The following SMARCC1 variants were observed in gnomAD, a reference collection of about 807,000 sequenced individuals.
The protein encoded by SMARCC1 is SWI/SNF related BAF chromatin remodeling complex subunit C1, also known as SWI/SNF complex subunit SMARCC1.
A neutral mutation model predicts 147.4 loss-of-function variants in SMARCC1; 43 were observed. The ratio of observed to expected loss-of-function variants is 0.29; its 90% CI spans 0.23 to 0.38. The LOEUF (loss-of-function observed/expected upper bound fraction) is 0.38. Ranked by LOEUF, SMARCC1 falls within the 10% of genes least tolerant of loss-of-function variation. The pLI is 1.00. For missense variants in SMARCC1, 1,119 were observed against 1,381.1 expected, an observed-to-expected ratio of 0.81 and a Z score of 3.01; for synonymous variants, 495 against 484.4, an observed-to-expected ratio of 1.02 and a Z score of -0.29.
chr3:47,744,362 C>T (rs1283863536), intron 3 of SMARCC1, among the ~76,000 whole-genome samples: 1 of 152,072 alleles, frequency 6.6e-6, no homozygotes, highest in Non-Finnish European at 1.5e-5. Context: ...CCAGTCTGGA[C>T]TCGAACTCCT....
chr3:47,710,695 G>C lies in SMARCC1; in HGVS notation c.906C>G (p.Thr302=). 2 of 1,613,482 alleles carry C rather than the reference G, an allele frequency of 1.2e-6. No individual in the cohort carries two copies. The highest frequency in any genetic ancestry group is 1.1e-5 in the South Asian group (1 of 90,920). The change falls in exon 9 of 28, where the codon ACC becomes ACG. Residue 302 remains threonine, a synonymous_variant. Transcript: ENST00000254480. Reference sequence around the variant, plus strand: ...CCAAAGAAAATACCTCTTCATTCTTGGTTGAAATCCGCTGACGAAAACTCA... The same window carrying C: ...CCAAAGAAAATACCTCTTCATTCTTCGTTGAAATCCGCTGACGAAAACTCA... ...KPVSFRQRIS[T]KNEEPVRSPE...
At chr3:47,645,356 T>C (rs1203206050) in intron 21 of SMARCC1, among the ~76,000 whole-genome samples, 3 of 149,496 alleles carry the variant, frequency 2.0e-5, no homozygotes, top group African/African-American at 7.4e-5. Flanking sequence ...TGAGCAGACA[T>C]TAGATGAAGA....
At chr3:47,681,167 G>T (rs1181299053) in intron 14 of SMARCC1, among the ~76,000 whole-genome samples, 1 of 152,070 alleles carries the variant, frequency 6.6e-6, no homozygotes, top group African/African-American at 2.4e-5. Context: ...CAAAAACAAA[G>T]GAGCTGGCAC....
chr3:47,739,917 C>T (rs2034488908), intron 3 of SMARCC1, among the ~76,000 whole-genome samples: 1 of 152,092 alleles, frequency 6.6e-6, no homozygotes, highest in African/African-American at 2.4e-5. Flanking sequence ...CACTCTATTG[C>T]CCAGGCTGGA....
intron 25 of SMARCC1, among the ~76,000 whole-genome samples, chr3:47,615,691 T>C (rs943135864): frequency 1.3e-5 from 2 of 152,206 alleles, no homozygotes; most frequent in Admixed American, 6.5e-5. Flanking sequence ...TTCTTTTCTT[T>C]TCTTTTTTTA....
chr3:47,679,911 A>C (rs983079874), intron 15 of SMARCC1, among the ~76,000 whole-genome samples: 6 of 151,870 alleles, frequency 4.0e-5, no homozygotes, highest in Non-Finnish European at 7.4e-5. Context: ...GTGAGGATAG[A>C]CCTGAATTCA....
At chr3:47,663,520 AG>A in intron 19 of SMARCC1, 1 of 801,418 alleles carries the variant, frequency 1.2e-6, no homozygotes, top group Non-Finnish European at 2.0e-6. Context: ...CTGAGGCGAG[AG>A]GATCTCTTGA....
At chr3:47,652,481 C>T (rs181024557) in intron 21 of SMARCC1, among the ~76,000 whole-genome samples, 2 of 152,150 alleles carry the variant, frequency 1.3e-5, no homozygotes, top group Non-Finnish European at 2.9e-5. Flanking sequence ...GAAAACCACA[C>T]AGACACATCT....
intron 6 of SMARCC1, among the ~76,000 whole-genome samples, chr3:47,727,675 G>GGTTCAC (rs1189435356): frequency 6.6e-6 from 1 of 151,676 alleles, no homozygotes; most frequent in South Asian, 2.1e-4. Flanking sequence ...GAGCGCAGTG[G>GGTTCAC]TGCAATCTCA....
At chr3:47,614,680 G>A (rs989560963) in intron 25 of SMARCC1, among the ~76,000 whole-genome samples, 2 of 151,920 alleles carry the variant, frequency 1.3e-5, no homozygotes, top group South Asian at 4.2e-4. Flanking sequence ...CATATCTCAC[G>A]TGCATTAACC....
intron 21 of SMARCC1, among the ~76,000 whole-genome samples, chr3:47,649,944 T>A (rs2033165528): frequency 6.6e-6 from 1 of 152,182 alleles, no homozygotes; most frequent in East Asian, 1.9e-4. Flanking sequence ...GGTGGACTAT[T>A]TAGGCTACAA....
chr3:47,680,586 C>T (rs549918288), intron 14 of SMARCC1, 78 bp from the exon 15 acceptor site: 21 of 825,232 alleles, frequency 2.5e-5, no homozygotes, highest in African/African-American at 2.2e-4. Context: ...CTCGCTCTGT[C>T]GCCCAGGCTG....
At position 47,726,342 on chromosome 3, in the gene SMARCC1, G is replaced by T. The variant is rs530036064; in HGVS notation, c.646+2683C>A. Among the ~76,000 whole-genome samples, 9 of 152,224 alleles carry T rather than the reference G, an allele frequency of 5.9e-5. No individual in the cohort carries two copies. In the South Asian group the frequency reaches 1.9e-3, roughly 32 times the overall value. ...ATGTATGGATATAGAAAACAAACAG[G>T]AAAACAGTGGAAACAACAATTTAGC... is the stretch of plus-strand genomic sequence containing the variant. On this transcript the variant is annotated intron_variant, in intron 6 of 27. Transcript: ENST00000254480.
chr3:47,677,548 T>C (rs1184462744), intron 16 of SMARCC1, among the ~76,000 whole-genome samples: 2 of 151,058 alleles, frequency 1.3e-5, no homozygotes, highest in African/African-American at 4.9e-5. Context: ...AATTAAATAT[T>C]TTATTTTGTG....
At chr3:47,691,305 A>C (rs574431501) in intron 12 of SMARCC1, among the ~76,000 whole-genome samples, 5 of 152,308 alleles carry the variant, frequency 3.3e-5, no homozygotes, top group Admixed American at 2.0e-4. Flanking sequence ...ATAAGGCAGA[A>C]TATAGAGCAG....
chr3:47,667,494 G>A (rs1256644535), intron 19 of SMARCC1, among the ~76,000 whole-genome samples: 2 of 152,220 alleles, frequency 1.3e-5, no homozygotes, highest in Non-Finnish European at 2.9e-5. Context: ...GGGAGAATCA[G>A]TGAGCTCACA....
chr3:47,713,430 A>T (rs935995279), intron 8 of SMARCC1, among the ~76,000 whole-genome samples: 1 of 152,060 alleles, frequency 6.6e-6, no homozygotes, highest in Non-Finnish European at 1.5e-5. Context: ...TGTAAAATTA[A>T]TTTTTTTGTT....
intron 14 of SMARCC1, 125 bp from the exon 15 acceptor site, chr3:47,680,633 C>T (rs1576409469): frequency 1.2e-5 from 6 of 494,972 alleles, no homozygotes; most frequent in East Asian, 4.7e-5. Context: ...CTGCAAGCTC[C>T]GCCTCCCGGG....
chr3:47,649,575 C>T (rs2033160697), intron 21 of SMARCC1, among the ~76,000 whole-genome samples: 1 of 152,164 alleles, frequency 6.6e-6, no homozygotes, highest in Admixed American at 6.5e-5. Context: ...ACAATCTACT[C>T]ATTGATATAT....
Sources: allele counts gnomAD v4.1 joint callset (sites outside exome capture counted in the v4.1 genomes callset), GRCh38; gene constraint gnomAD v4.1.1; transcripts MANE v1.5; gene names NCBI Gene and HGNC (gene_info 2026-07-23, HGNC 2026-07-21).